The following FGF12 variants were observed in gnomAD, a reference collection of about 807,000 sequenced individuals.
FGF12 encodes fibroblast growth factor 12, also known as fibroblast growth factor 12B.
In FGF12, 14 loss-of-function variants were observed where a neutral mutation model predicts 23.6. That is an observed-to-expected ratio of 0.59 (90% CI 0.39 to 0.93). FGF12 has a LOEUF of 0.93. FGF12 is among the 40% of genes least tolerant of loss of function. The pLI, the probability that FGF12 is intolerant of heterozygous loss-of-function variation, is 0.00. For missense variants in FGF12, 175 were observed against 217.8 expected, an observed-to-expected ratio of 0.80 and a Z score of 1.24; for synonymous variants, 62 against 77.3, an observed-to-expected ratio of 0.80 and a Z score of 1.04.
chr3:192,490,426 A>G (rs183503666), intron 2 of FGF12, among the ~76,000 whole-genome samples: 1 of 152,158 alleles, frequency 6.6e-6, no homozygotes, highest in East Asian at 1.9e-4. Context: ...TATATTACAC[A>G]TATGTGTGTA....
intron 2 of FGF12, among the ~76,000 whole-genome samples, chr3:192,528,929 G>A (rs1009833459): frequency 2.0e-5 from 3 of 152,060 alleles, no homozygotes; most frequent in Admixed American, 6.5e-5. Context: ...ACAAAACCAC[G>A]TTTTCCTCCT....
chr3:192,310,972 G>A (rs1049899685), intron 4 of FGF12, among the ~76,000 whole-genome samples: 32 of 152,080 alleles, frequency 2.1e-4, no homozygotes, highest in African/African-American at 5.8e-4. Context: ...CTCTCCAATC[G>A]TGAAGAAATT....
chr3:192,710,732 A>G (rs963898320), intron 2 of FGF12, among the ~76,000 whole-genome samples: 4 of 152,238 alleles, frequency 2.6e-5, no homozygotes, highest in Non-Finnish European at 5.9e-5. Flanking sequence ...TGCTCTCCAC[A>G]ATCCCAGGAG....
intron 2 of FGF12, among the ~76,000 whole-genome samples, chr3:192,458,393 A>C (rs1235830861): frequency 6.6e-6 from 1 of 152,170 alleles, no homozygotes. Flanking sequence ...GTACCCTGCA[A>C]AGTCACAGGG....
chr3:192,319,685 T>G (rs1716428878), intron 4 of FGF12, among the ~76,000 whole-genome samples: 1 of 151,998 alleles, frequency 6.6e-6, no homozygotes, highest in Admixed American at 6.6e-5. Context: ...ACAGAAAAAG[T>G]TTAAAGGCAA....
intron 2 of FGF12, among the ~76,000 whole-genome samples, chr3:192,374,470 T>C (rs569490286): frequency 2.0e-5 from 3 of 152,228 alleles, no homozygotes; most frequent in Admixed American, 2.0e-4. Context: ...ATGAAGATTA[T>C]CTTGATTATG....
At chr3:192,359,992 A>G (rs1203328515) in intron 3 of FGF12, among the ~76,000 whole-genome samples, 2 of 151,928 alleles carry the variant, frequency 1.3e-5, no homozygotes, top group African/African-American at 2.4e-5. Context: ...CTCAGTGTTT[A>G]CCTTAAGAGG....
intron 4 of FGF12, among the ~76,000 whole-genome samples, chr3:192,306,632 T>C (rs1715666156): frequency 6.6e-6 from 1 of 152,194 alleles, no homozygotes. Context: ...TTCTCAACCC[T>C]GTATTGCTGA....
intron 2 of FGF12, among the ~76,000 whole-genome samples, chr3:192,517,175 ACCT>A (rs1724693157): frequency 6.6e-6 from 1 of 152,066 alleles, no homozygotes; most frequent in South Asian, 2.1e-4. Flanking sequence ...AACACATATG[ACCT>A]CCTGAGCATC....
intron 4 of FGF12, among the ~76,000 whole-genome samples, chr3:192,303,017 T>A (rs1715427927): frequency 6.6e-6 from 1 of 152,228 alleles, no homozygotes; most frequent in African/African-American, 2.4e-5. Context: ...GGAACATTTT[T>A]AAATCTCTTT....
intron 2 of FGF12, among the ~76,000 whole-genome samples, chr3:192,668,143 T>C (rs1232621235): frequency 6.6e-6 from 1 of 151,180 alleles, no homozygotes; most frequent in Non-Finnish European, 1.5e-5. Flanking sequence ...ATTAAGCACA[T>C]ACCAAAAATT....
chr3:192,449,136 C>T (rs747006770), intron 2 of FGF12, among the ~76,000 whole-genome samples: 39 of 152,182 alleles, frequency 2.6e-4, no homozygotes, highest in South Asian at 6.2e-4. Flanking sequence ...TGTCTCAGTT[C>T]AAATCCATCC....
chr3:192,275,272 C>T (rs1413344738), intron 4 of FGF12, among the ~76,000 whole-genome samples: 1 of 151,376 alleles, frequency 6.6e-6, no homozygotes, highest in Non-Finnish European at 1.5e-5. Context: ...TCAGGAGAGA[C>T]TCACATCCCC....
At chr3:192,488,799 T>C (rs1577014047) in intron 2 of FGF12, among the ~76,000 whole-genome samples, 4 of 152,148 alleles carry the variant, frequency 2.6e-5, no homozygotes, top group Admixed American at 2.0e-4. Flanking sequence ...TGACCATCTT[T>C]CTCTCTGTAG....
At chr3:192,180,115 T>A (rs2108632200) in intron 4 of FGF12, among the ~76,000 whole-genome samples, 1 of 152,270 alleles carries the variant, frequency 6.6e-6, no homozygotes, top group East Asian at 1.9e-4. Context: ...CACAGAGATA[T>A]CAGATCACTT....
chr3:192,147,265 T>A (rs1713778075), intron 5 of FGF12, among the ~76,000 whole-genome samples: 1 of 152,194 alleles, frequency 6.6e-6, no homozygotes, highest in Non-Finnish European at 1.5e-5. Flanking sequence ...CAGTAATATA[T>A]CTAAGAAGCT....
At chr3:192,263,365 A>G (rs1392094403) in intron 4 of FGF12, among the ~76,000 whole-genome samples, 2 of 152,094 alleles carry the variant, frequency 1.3e-5, no homozygotes, top group Non-Finnish European at 2.9e-5. Flanking sequence ...ACTCAGCAGC[A>G]TTAATCCCAT....
intron 2 of FGF12, among the ~76,000 whole-genome samples, chr3:192,432,569 G>C (rs966931687): frequency 6.7e-6 from 1 of 149,960 alleles, no homozygotes; most frequent in East Asian, 1.9e-4. Flanking sequence ...CTGTGGGAAG[G>C]GCCATGGGGC....
intron 2 of FGF12, among the ~76,000 whole-genome samples, chr3:192,617,973 T>G (rs550074333): frequency 5.9e-5 from 9 of 152,182 alleles, no homozygotes; most frequent in African/African-American, 2.2e-4. Context: ...AAAATAAATT[T>G]GGGTTATTGA....
Sources: gnomAD v4.1 joint callset for allele counts (sites outside exome capture counted in the v4.1 genomes callset) on GRCh38, gnomAD v4.1.1 for gene constraint, MANE v1.5 for transcripts, NCBI Gene and HGNC (gene_info 2026-07-23, HGNC 2026-07-21) for gene names.